ADGRL3: variants seen among roughly 807,000 people sequenced by gnomAD.
The protein encoded by ADGRL3 is calcium-independent alpha-latrotoxin receptor 3.
In ADGRL3, 62 loss-of-function variants were observed where a neutral mutation model predicts 153.5. The observed-to-expected ratio is 0.40, with a 90% CI of 0.33 to 0.50. ADGRL3 has a LOEUF of 0.50. Ranked by LOEUF, ADGRL3 falls within the 20% of genes least tolerant of loss-of-function variation. The pLI is 0.47. For synonymous variants in ADGRL3, 710 were observed against 672.5 expected (o/e 1.06, Z -0.86); for missense variants, 1,641 against 1,859.4 (o/e 0.88, Z 2.16).
rs1029460125 is a variant in ADGRL3, at chr4:61,518,207, A to G, written c.259+689A>G. ...ATTTACATAATATTTAGGCAATGTA[A>G]TTTTTATTTTTCTCACAAAACTTCA... On this transcript the variant is annotated intron_variant, in intron 4 of 26. Coordinates refer to ENST00000683033, the MANE Select transcript of ADGRL3 (RefSeq NM_001387552.1). Among the ~76,000 whole-genome samples the G allele has an allele frequency of 5.9e-5, 9 of 152,128 alleles. No homozygotes were observed. The East Asian group carries it at 1.7e-3, about 29-fold the overall frequency.
intron 1 of ADGRL3, among the ~76,000 whole-genome samples, chr4:61,339,751 T>C (rs893924365): frequency 2.6e-5 from 4 of 152,200 alleles, no homozygotes; most frequent in Non-Finnish European, 5.9e-5. Context: ...CTTTGTACAT[T>C]AATATAAATT....
intron 9 of ADGRL3, among the ~76,000 whole-genome samples, chr4:61,818,411 G>A (rs2097712608): frequency 6.6e-6 from 1 of 152,176 alleles, no homozygotes; most frequent in Non-Finnish European, 1.5e-5. Context: ...TTATGAGCTG[G>A]CATTGAGCAT....
At chr4:61,762,911 A>T (rs1003079953) in intron 8 of ADGRL3, among the ~76,000 whole-genome samples, 5 of 152,086 alleles carry the variant, frequency 3.3e-5, no homozygotes, top group Non-Finnish European at 4.4e-5. Context: ...CTACACATAA[A>T]ATTCTTTTCC....
At chr4:61,337,816 C>T (rs1015745732) in intron 1 of ADGRL3, among the ~76,000 whole-genome samples, 5 of 152,122 alleles carry the variant, frequency 3.3e-5, no homozygotes, top group African/African-American at 1.2e-4. Context: ...TATTGTGTCT[C>T]TCAATTATTT....
chr4:61,529,685 A>G (rs528862436), intron 4 of ADGRL3, among the ~76,000 whole-genome samples: 1 of 152,120 alleles, frequency 6.6e-6, no homozygotes, highest in Non-Finnish European at 1.5e-5. Context: ...CTTTAAGTCT[A>G]TTCATAAGAC....
At chr4:61,203,770 C>A (rs1432728504) in intron 1 of ADGRL3, among the ~76,000 whole-genome samples, 1 of 152,108 alleles carries the variant, frequency 6.6e-6, no homozygotes, top group Non-Finnish European at 1.5e-5. Context: ...GGACTTCTGG[C>A]GCCCAATTTA....
intron 3 of ADGRL3, among the ~76,000 whole-genome samples, chr4:61,512,472 T>G (rs993987958): frequency 6.6e-6 from 1 of 152,144 alleles, no homozygotes; most frequent in Non-Finnish European, 1.5e-5. Flanking sequence ...TTGCCTTATT[T>G]TATAGATCTA....
chr4:61,334,454 A>C (rs1025549174), intron 1 of ADGRL3, among the ~76,000 whole-genome samples: 15 of 152,158 alleles, frequency 9.9e-5, no homozygotes, highest in Non-Finnish European at 2.1e-4. Context: ...ATGAAGTGTA[A>C]ATTAAAGGAA....
chr4:61,260,332 A>G (rs1057248060), intron 1 of ADGRL3, among the ~76,000 whole-genome samples: 2 of 152,204 alleles, frequency 1.3e-5, no homozygotes, highest in East Asian at 1.9e-4. Flanking sequence ...CCAAGAATGT[A>G]CATCTCTGTC....
rs956518506 is a variant in ADGRL3 at position 61,759,246 on chromosome 4, G to C, written c.1399+25692G>C. ...CGTGCTAGGTTGGGGAAGTTCTCCT[G>C]GATAATATCCTGCAGAGTGTTTTCC... On this transcript the variant is annotated intron_variant, in intron 8 of 26. Transcript: ENST00000683033. Among the ~76,000 whole-genome samples, 3 of 152,118 alleles carry C rather than the reference G, an allele frequency of 2.0e-5. No individual in the cohort carries two copies. In the South Asian group the frequency reaches 6.2e-4, roughly 31 times the overall value.
At chr4:61,384,896 G>A (rs542001332) in intron 2 of ADGRL3, among the ~76,000 whole-genome samples, 1 of 152,184 alleles carries the variant, frequency 6.6e-6, no homozygotes, top group Non-Finnish European at 1.5e-5. Context: ...GGTTGCCAGA[G>A]GGTGGGGCAA....
At chr4:61,703,519 A>T (rs1580361017) in intron 6 of ADGRL3, among the ~76,000 whole-genome samples, 1 of 152,180 alleles carries the variant, frequency 6.6e-6, no homozygotes, top group African/African-American at 2.4e-5. Context: ...ATATGTAAGA[A>T]TGAAAACTGC....
intron 2 of ADGRL3, among the ~76,000 whole-genome samples, chr4:61,417,510 C>A (rs892931929): frequency 6.7e-6 from 1 of 149,962 alleles, no homozygotes; most frequent in Non-Finnish European, 1.5e-5. Context: ...CGAAAAAAAA[C>A]AAACATCAAA....
rs1300176836 is a variant in ADGRL3 at position 62,071,328 on chromosome 4, T to C, written c.*420T>C. 5.8e-6 allele frequency: 1 copy of C among 171,354 alleles called. No homozygotes were observed. Among genetic ancestry groups the C allele is most frequent in the African/African-American group, 2.4e-5 (1 of 41,598 alleles). The allele number at this position is 171,354 out of a possible 1,614,324, so 10.6% of individuals were successfully genotyped here. On this transcript the variant is annotated 3_prime_UTR_variant, in exon 27 of 27. Coordinates refer to ENST00000683033, the MANE Select transcript of ADGRL3 (RefSeq NM_001387552.1). ...TAACAATGCTGCATCTAGATTGGAG[T>C]GCTGCACAAACAAACATAAGAGCAA...
chr4:61,912,259 G>A (rs1021525558), intron 12 of ADGRL3, among the ~76,000 whole-genome samples: 3 of 152,094 alleles, frequency 2.0e-5, no homozygotes, highest in Non-Finnish European at 4.4e-5. Flanking sequence ...AAGAACATAT[G>A]ATTTGTGGTG....
At chr4:61,415,968 C>T (rs1397188291) in intron 2 of ADGRL3, among the ~76,000 whole-genome samples, 2 of 151,928 alleles carry the variant, frequency 1.3e-5, no homozygotes, top group African/African-American at 2.4e-5. Flanking sequence ...AAAAGTATTA[C>T]GTCTTTTAAA....
At chr4:61,751,319 T>C (rs1046548624) in intron 8 of ADGRL3, among the ~76,000 whole-genome samples, 13 of 152,194 alleles carry the variant, frequency 8.5e-5, no homozygotes, top group African/African-American at 3.1e-4. Flanking sequence ...TATTGCCCCT[T>C]ATTCACTGGT....
At chr4:61,764,874 C>A (rs964089747) in intron 8 of ADGRL3, among the ~76,000 whole-genome samples, 23 of 150,928 alleles carry the variant, frequency 1.5e-4, no homozygotes, top group African/African-American at 5.6e-4. Context: ...GAAGGGAGGT[C>A]TTGTGGTAAG....
chr4:61,502,978 G>C (rs2098402225), intron 3 of ADGRL3, among the ~76,000 whole-genome samples: 2 of 152,080 alleles, frequency 1.3e-5, no homozygotes, highest in South Asian at 4.1e-4. Flanking sequence ...ACATTATACA[G>C]AAAAATCTGT....
Sources: allele counts gnomAD v4.1 joint callset (sites outside exome capture counted in the v4.1 genomes callset), GRCh38; gene constraint gnomAD v4.1.1; transcripts MANE v1.5; gene names NCBI Gene and HGNC (gene_info 2026-07-23, HGNC 2026-07-21).